Variants in IGSF21 observed in about 807,000 individuals in gnomAD.
IGSF21 encodes the protein immunoglobin superfamily member 21.
IGSF21 carries 28 observed loss-of-function variants against 46.8 expected under a neutral mutation model. The ratio of observed to expected loss-of-function variants is 0.60; its 90% CI spans 0.44 to 0.82. The LOEUF is 0.82. Among genes scored for constraint, IGSF21 ranks in the 40% least tolerant of loss-of-function variants. The pLI, the probability that IGSF21 is intolerant of heterozygous loss-of-function variation, is 0.00. For synonymous variants in IGSF21, 284 were observed against 273.6 expected, an observed-to-expected ratio of 1.04 and a Z score of -0.38; for missense variants, 624 against 665.5, an observed-to-expected ratio of 0.94 and a Z score of 0.69.
Position 18,218,007 on chromosome 1 carries a change from G to T in IGSF21, c.71-9891G>T, listed in dbSNP as rs116741387. Among the ~76,000 whole-genome samples the T allele has an allele frequency of 2.4e-3, 365 of 152,314 alleles. 2 individuals are homozygous for T. The highest frequency in any genetic ancestry group is 8.1e-3 in the African/African-American group (336 of 41,564). Reference sequence around the variant, plus strand: ...CAATTATTTATTGGGCTCCTACTAAGTGCCAGGCACTGTTCTAGATTCTAG... The same window carrying T: ...CAATTATTTATTGGGCTCCTACTAATTGCCAGGCACTGTTCTAGATTCTAG... On this transcript the variant is annotated intron_variant, in intron 1 of 9. Coordinates refer to ENST00000251296, the MANE Select transcript of IGSF21 (RefSeq NM_032880.5).
rs182077604 is a variant in IGSF21 at position 18,108,173 on chromosome 1, C to T, written c.45C>T (p.Leu15=). 2,447 of 1,448,448 alleles carry T rather than the reference C, an allele frequency of 1.7e-3. 33 individuals carry two copies. In the African/African-American group the frequency reaches 0.031, roughly 18 times the overall value. The allele number at this position is 1,448,448 out of a possible 1,614,324, so 89.7% of individuals were successfully genotyped here. The change falls in exon 1 of 10, where the codon CTC becomes CTT. Residue 15 remains leucine, a synonymous_variant. Transcript: ENST00000251296. ...TCCGCCGCTGCGTCTGCCTGCTGCTCGCCGCGATCCTGGACCTGGCGCGCG... is the reference window on the plus strand; with the variant it reads ...TCCGCCGCTGCGTCTGCCTGCTGCTTGCCGCGATCCTGGACCTGGCGCGCG... ...PSLRRCVCLL[L]AAILDLARGY... is the part of the protein sequence containing the mutation.
intron 1 of IGSF21, among the ~76,000 whole-genome samples, chr1:18,182,844 T>C (rs2086869864): frequency 6.6e-6 from 1 of 152,186 alleles, no homozygotes. Context: ...TGAAATTGCC[T>C]GTAGATTCCA....
chr1:18,357,848 T>G (rs1235365786), intron 4 of IGSF21, among the ~76,000 whole-genome samples: 2 of 152,118 alleles, frequency 1.3e-5, no homozygotes, highest in East Asian at 3.9e-4. Flanking sequence ...GGGGAGGGTG[T>G]GGGAAGCCTG....
chr1:18,281,332 G>A (rs1304251563), intron 2 of IGSF21, among the ~76,000 whole-genome samples: 1 of 152,050 alleles, frequency 6.6e-6, no homozygotes, highest in East Asian at 1.9e-4. Context: ...GGCGAGGTGG[G>A]TGCATCACCC....
chr1:18,364,787 T>G (rs1465247794), intron 5 of IGSF21, among the ~76,000 whole-genome samples: 1 of 152,060 alleles, frequency 6.6e-6, no homozygotes, highest in African/African-American at 2.4e-5. Flanking sequence ...CCCGGTGCCT[T>G]CCATTTTTCC....
At chr1:18,158,164 C>T (rs541789163) in intron 1 of IGSF21, among the ~76,000 whole-genome samples, 250 of 152,238 alleles carry the variant, frequency 1.6e-3, no homozygotes, top group African/African-American at 5.6e-3. Flanking sequence ...CAGGATCTCA[C>T]ACACCTGCCC....
chr1:18,270,551 A>G (rs756884547), intron 2 of IGSF21, among the ~76,000 whole-genome samples: 3 of 152,210 alleles, frequency 2.0e-5, no homozygotes, highest in Non-Finnish European at 4.4e-5. Flanking sequence ...TGTCCAACAC[A>G]TGCAGCTTCC....
chr1:18,364,902 T>C (rs939207674), intron 5 of IGSF21, among the ~76,000 whole-genome samples: 4 of 152,206 alleles, frequency 2.6e-5, no homozygotes. Flanking sequence ...GTTCCACTGA[T>C]GCACCCAACA....
chr1:18,174,007 G>A (rs1481066332), intron 1 of IGSF21, among the ~76,000 whole-genome samples: 1 of 152,170 alleles, frequency 6.6e-6, no homozygotes, highest in Non-Finnish European at 1.5e-5. Flanking sequence ...GCCCTCCTCG[G>A]CCTCCCAAAG....
intron 1 of IGSF21, among the ~76,000 whole-genome samples, chr1:18,127,569 C>T (rs1053992550): frequency 6.6e-6 from 1 of 152,146 alleles, no homozygotes; most frequent in African/African-American, 2.4e-5. Context: ...TCATCTTGGA[C>T]AGGGCACGTG....
At chr1:18,273,063 T>TTTTTTTTTTTTTTTTTG (rs1353067677) in intron 2 of IGSF21, among the ~76,000 whole-genome samples, 1 of 148,440 alleles carries the variant, frequency 6.7e-6, no homozygotes, top group Non-Finnish European at 1.5e-5. Context: ...TTTTTTTTTT[T>TTTTTTTTTTTTTTTTTG]TAGATGGAGT....
At chr1:18,366,593 G>A (rs979464118) in intron 6 of IGSF21, among the ~76,000 whole-genome samples, 15 of 152,282 alleles carry the variant, frequency 9.9e-5, no homozygotes, top group Middle Eastern at 3.4e-3. Flanking sequence ...GATCGGGTTC[G>A]AGAATTCTGA....
intron 2 of IGSF21, among the ~76,000 whole-genome samples, chr1:18,244,848 A>G (rs960705448): frequency 6.6e-5 from 10 of 152,210 alleles, no homozygotes; most frequent in Non-Finnish European, 1.5e-4. Flanking sequence ...AATGCCTGAG[A>G]GACAGCATTT....
chr1:18,329,863 G>C (rs532880103), intron 3 of IGSF21, among the ~76,000 whole-genome samples: 1 of 152,234 alleles, frequency 6.6e-6, no homozygotes, highest in African/African-American at 2.4e-5. Context: ...CCCAGCGCTT[G>C]CATGGCCTTA....
At chr1:18,354,925 A>C (rs910273449) in intron 4 of IGSF21, among the ~76,000 whole-genome samples, 5 of 114,918 alleles carry the variant, frequency 4.4e-5, no homozygotes, top group East Asian at 4.8e-4. Context: ...TGCTATCCTT[A>C]CAGAAGGTTT....
chr1:18,224,336 T>C (rs992763896), intron 1 of IGSF21, among the ~76,000 whole-genome samples: 2 of 152,086 alleles, frequency 1.3e-5, no homozygotes, highest in African/African-American at 4.8e-5. Context: ...GCTTGACATG[T>C]CTTCTGCCTG....
At chr1:18,259,118 C>A (rs976071521) in intron 2 of IGSF21, among the ~76,000 whole-genome samples, 3 of 152,180 alleles carry the variant, frequency 2.0e-5, no homozygotes, top group Non-Finnish European at 2.9e-5. Flanking sequence ...AGAAAGATTA[C>A]TCTTAGGTTG....
At chr1:18,218,570 C>G (rs897187661) in intron 1 of IGSF21, among the ~76,000 whole-genome samples, 2 of 152,160 alleles carry the variant, frequency 1.3e-5, no homozygotes, top group African/African-American at 4.8e-5. Context: ...TAAATACTAG[C>G]AGATGGATTG....
intron 1 of IGSF21, among the ~76,000 whole-genome samples, chr1:18,181,089 C>T (rs1042332189): frequency 1.3e-5 from 2 of 152,176 alleles, no homozygotes; most frequent in Admixed American, 6.5e-5. Flanking sequence ...GGCTTCCCAC[C>T]AGGGAAGGGA....
Sources: allele counts gnomAD v4.1 joint callset (sites outside exome capture counted in the v4.1 genomes callset), GRCh38; gene constraint gnomAD v4.1.1; transcripts MANE v1.5; gene names NCBI Gene and HGNC (gene_info 2026-07-23, HGNC 2026-07-21).